NEBL: variants seen among roughly 807,000 people sequenced by gnomAD.
NEBL encodes nebulette, also known as LIM and SH3 protein 2.
NEBL carries 122 observed loss-of-function variants against 140.2 expected under a neutral mutation model. The observed-to-expected ratio is 0.87, with a 90% CI of 0.75 to 1.01. The LOEUF (loss-of-function observed/expected upper bound fraction) is 1.01. NEBL is among the 50% of genes least tolerant of loss of function. The pLI, the probability that NEBL is intolerant of heterozygous loss-of-function variation, is 0.00. For synonymous variants in NEBL, 436 were observed against 398.9 expected, an observed-to-expected ratio of 1.09 and a Z score of -1.11; for missense variants, 1,365 against 1,231.3, an observed-to-expected ratio of 1.11 and a Z score of -1.62.
Position 20,880,874 on chromosome 10 carries a change from T to C in NEBL, c.400A>G (p.Lys134Glu), listed in dbSNP as rs1186218176. The C allele has an allele frequency of 1.9e-6, 3 of 1,614,014 alleles. No homozygotes were observed. The highest frequency in any genetic ancestry group is 2.7e-5 in the African/African-American group (2 of 74,922). ...VAYKQKHDAA[K>E]GFSDYAHMKE... ...ATGTGGGCATAATCTGAGAATCCTT[T>C]GGCAGCATCATGTTTCTGCTTGTAG... The change falls in exon 5 of 28, where the codon AAA becomes GAA. Residue 134 changes from lysine to glutamate, a missense_variant. Physicochemically the swap from Lys to Glu is moderately conservative, Grantham distance 56 (BLOSUM62 1). This residue lies in a region of NEBL where 1,323 missense variants were observed against 1,154.8 expected (regional missense o/e 1.15). Coordinates refer to ENST00000377122, the MANE Select transcript of NEBL (RefSeq NM_006393.3).
At chr10:21,030,101 A>G (rs1833716493) in intron 2 of NEBL, 2 of 475,104 alleles carry the variant, frequency 4.2e-6, no homozygotes, top group Non-Finnish European at 4.1e-6. Context: ...TGGAGGGGCA[A>G]AGCCCGTTGA....
At chr10:21,006,978 C>G (rs1192457765) in intron 3 of NEBL, among the ~76,000 whole-genome samples, 1 of 152,038 alleles carries the variant, frequency 6.6e-6, no homozygotes, top group Non-Finnish European at 1.5e-5. Context: ...AGGATCCTTT[C>G]TTATTCTACA....
intron 2 of NEBL, among the ~76,000 whole-genome samples, chr10:21,045,140 T>C (rs1834453050): frequency 6.6e-6 from 1 of 152,220 alleles, no homozygotes; most frequent in Admixed American, 6.5e-5. Flanking sequence ...TTAAAATTGC[T>C]GTATGACTTT....
chr10:21,052,810 G>C lies in NEBL; in HGVS notation c.165-32609C>G, dbSNP rs571934103. Among the ~76,000 whole-genome samples the C allele has an allele frequency of 2.0e-5, 3 of 152,268 alleles. No homozygotes were observed. The South Asian group carries it at 6.2e-4, about 32-fold the overall frequency. ...GAACCCTGGGAGGGCCACCGGTGGTGCATACAGACAGAAAATGCTCAGCCC... is the reference window on the plus strand; with the variant it reads ...GAACCCTGGGAGGGCCACCGGTGGTCCATACAGACAGAAAATGCTCAGCCC... On this transcript the variant is annotated intron_variant, in intron 2 of 6. Coordinates refer to the NEBL transcript ENST00000417816.
chr10:21,016,539 C>T (rs984198693), intron 3 of NEBL, among the ~76,000 whole-genome samples: 14 of 152,050 alleles, frequency 9.2e-5, no homozygotes, highest in Admixed American at 3.9e-4. Flanking sequence ...AAATATATTT[C>T]GATTTTCTTT....
At chr10:21,077,865 C>T (rs1836174378) in intron 2 of NEBL, among the ~76,000 whole-genome samples, 1 of 152,100 alleles carries the variant, frequency 6.6e-6, no homozygotes, top group African/African-American at 2.4e-5. Flanking sequence ...GACCTTTCAA[C>T]AGCCCGAGCT....
chr10:21,008,396 A>G (rs1441443489), intron 3 of NEBL, among the ~76,000 whole-genome samples: 3 of 152,142 alleles, frequency 2.0e-5, no homozygotes, highest in African/African-American at 4.8e-5. Flanking sequence ...CTATCTTACT[A>G]TTAGTTATTG....
chr10:20,791,609 A>G (rs3847373), intron 26 of NEBL, among the ~76,000 whole-genome samples: 68,972 of 151,692 alleles, frequency 0.45, 15,982 homozygotes, highest in Middle Eastern at 0.56. Flanking sequence ...TGCCCAACCT[A>G]GTCTCAAATT....
chr10:21,264,846 TG>T (rs1160198875), intron 1 of NEBL, among the ~76,000 whole-genome samples: 2 of 151,478 alleles, frequency 1.3e-5, no homozygotes, highest in Admixed American at 1.3e-4. Context: ...GGAAAGGGCT[TG>T]TTCTTTTTCA....
At chr10:21,021,085 C>T (rs146296811) in intron 2 of NEBL, among the ~76,000 whole-genome samples, 122 of 152,246 alleles carry the variant, frequency 8.0e-4, no homozygotes, top group African/African-American at 2.7e-3. Flanking sequence ...ATATTAGTGC[C>T]CCGTAGCCCA....
chr10:20,811,362 G>C (rs891090316), intron 24 of NEBL, among the ~76,000 whole-genome samples: 1 of 152,160 alleles, frequency 6.6e-6, no homozygotes, highest in Non-Finnish European at 1.5e-5. Flanking sequence ...AAGCTGTACA[G>C]ACTTTAGCAG....
chr10:20,984,432 T>C (rs896924389), intron 3 of NEBL, among the ~76,000 whole-genome samples: 2 of 152,166 alleles, frequency 1.3e-5, no homozygotes, highest in Non-Finnish European at 2.9e-5. Context: ...CGAAAACTAT[T>C]ATTTCTAGAG....
intron 3 of NEBL, among the ~76,000 whole-genome samples, chr10:21,199,936 G>A (rs1163579284): frequency 6.9e-6 from 1 of 144,692 alleles, no homozygotes; most frequent in Non-Finnish European, 1.6e-5. Context: ...GGGAGAGACT[G>A]TACACTGTTG....
intron 3 of NEBL, among the ~76,000 whole-genome samples, chr10:20,982,637 C>T (rs1314962301): frequency 6.6e-6 from 1 of 152,160 alleles, no homozygotes; most frequent in Non-Finnish European, 1.5e-5. Context: ...AAAGCAAGAA[C>T]TGACAAGCAT....
At chr10:20,854,308 AG>A (rs754407352) in intron 9 of NEBL, among the ~76,000 whole-genome samples, 50 of 152,136 alleles carry the variant, frequency 3.3e-4, no homozygotes, top group Non-Finnish European at 6.2e-4. Context: ...TTTTGATCTT[AG>A]GGGATACTCC....
At chr10:20,914,688 C>T (rs1233324029) in intron 4 of NEBL, among the ~76,000 whole-genome samples, 1 of 151,976 alleles carries the variant, frequency 6.6e-6, no homozygotes, top group Admixed American at 6.6e-5. Flanking sequence ...TTAACGATAA[C>T]CTAGTCAGAT....
At chr10:21,155,916 G>C (rs113833271) in intron 2 of NEBL, among the ~76,000 whole-genome samples, 2,165 of 152,222 alleles carry the variant, frequency 0.014, 49 homozygotes, top group African/African-American at 0.049. Context: ...GACAAGAACA[G>C]AGGCCCCAAG....
intron 3 of NEBL, among the ~76,000 whole-genome samples, chr10:21,001,985 C>G (rs924847415): frequency 1.3e-5 from 2 of 152,100 alleles, no homozygotes; most frequent in Non-Finnish European, 2.9e-5. Context: ...TAAAGCCAAC[C>G]CTTTTTCTCT....
chr10:20,837,141 G>A (rs1209245882), intron 13 of NEBL, among the ~76,000 whole-genome samples: 1 of 152,110 alleles, frequency 6.6e-6, no homozygotes. Context: ...AAATGACTGA[G>A]CTTAGTGAGG....
Sources: allele counts gnomAD v4.1 joint callset (sites outside exome capture counted in the v4.1 genomes callset), GRCh38; gene constraint gnomAD v4.1.1; regional missense constraint gnomAD v4.1.1; transcripts MANE v1.5; gene names NCBI Gene and HGNC (gene_info 2026-07-23, HGNC 2026-07-21).